The following VCPIP1 variants were observed in gnomAD, a reference collection of about 807,000 sequenced individuals.
The protein encoded by VCPIP1 is valosin containing protein interacting protein 1.
In VCPIP1, 8 loss-of-function variants were observed where a neutral mutation model predicts 85.0. The ratio of observed to expected loss-of-function variants is 0.09; its 90% confidence interval spans 0.06 to 0.17. The LOEUF is 0.17. Among genes scored for constraint, VCPIP1 ranks in the 10% least tolerant of loss-of-function variants. The pLI is 1.00. For missense variants in VCPIP1, 1,070 were observed against 1,486.3 expected (o/e 0.72, Z 4.61); for synonymous variants, 543 against 544.5 (o/e 1.00, Z 0.04).
intron 2 of VCPIP1, among the ~76,000 whole-genome samples, chr8:66,639,158 T>C (rs1359626394): frequency 2.0e-5 from 3 of 150,996 alleles, no homozygotes; most frequent in African/African-American, 7.3e-5. Flanking sequence ...CCAATTTTTC[T>C]ATTTTTAGTA....
intron 2 of VCPIP1, among the ~76,000 whole-genome samples, chr8:66,637,950 C>A (rs921237222): frequency 3.9e-5 from 6 of 152,240 alleles, no homozygotes; most frequent in Non-Finnish European, 8.8e-5. Flanking sequence ...CCAGCCAGGG[C>A]GACAGAGCGA....
Position 66,665,805 on chromosome 8 carries a change from A to G in VCPIP1, c.1154T>C (p.Ile385Thr), listed in dbSNP as rs371295850. The change falls in exon 1 of 3, where the codon ATT (isoleucine) becomes ACT (threonine). Residue 385 changes from isoleucine to threonine, a missense_variant. Ile to Thr is a moderately conservative substitution (Grantham distance 89, BLOSUM62 -1). Coordinates refer to ENST00000310421, the MANE Select transcript of VCPIP1 (RefSeq NM_025054.5). The surrounding 1 kb of genome is among the most constrained non-coding windows in gnomAD (Gnocchi z 4.3). ...CTCTTCAAGTTTTATGTACTTTTTAATAAGGTCCTGAGGCACACCCCATGC... is the reference window on the plus strand; with the variant it reads ...CTCTTCAAGTTTTATGTACTTTTTAGTAAGGTCCTGAGGCACACCCCATGC... ...PKAWGVPQDL[I>T]KKYIKLEEDG... 5.0e-6 allele frequency: 8 copies of G among 1,614,192 alleles called. No individual in the cohort carries two copies. The highest frequency in any genetic ancestry group is 1.3e-5 in the African/African-American group (1 of 75,048).
chr8:66,646,500 A>T (rs2130160966), intron 2 of VCPIP1, among the ~76,000 whole-genome samples: 1 of 152,296 alleles, frequency 6.6e-6, no homozygotes, highest in South Asian at 2.1e-4. Context: ...CTGATTCTAA[A>T]ATTTATATGG....
intron 1 of VCPIP1, among the ~76,000 whole-genome samples, chr8:66,661,132 C>T (rs1220554590): frequency 6.6e-6 from 1 of 152,162 alleles, no homozygotes; most frequent in African/African-American, 2.4e-5. Flanking sequence ...ATAATACAGG[C>T]TATGCACTTA....
Position 66,664,605 on chromosome 8 carries a change from C to T in VCPIP1, c.2354G>A (p.Arg785Gln), listed in dbSNP as rs1259443577. 1.2e-6 allele frequency: 2 copies of T among 1,614,042 alleles called. No individual in the cohort carries two copies. The highest frequency in any genetic ancestry group is 8.5e-7 in the Non-Finnish European group (1 of 1,179,990). The change falls in exon 1 of 3, where the codon CGA becomes CAA. Residue 785 changes from arginine to glutamine, a missense_variant. Arg to Gln is a conservative substitution (Grantham distance 43). Transcript: ENST00000310421. ...KKIRITTNDGRQSMVTLKSST... is the reference protein window; with the variant it reads ...KKIRITTNDGQQSMVTLKSST... ...AGACTTAAGGGTAACCATGGACTGT[C>T]GTCCATCATTAGTTGTGATTCGGAT... is the stretch of plus-strand genomic sequence containing the variant.
Position 66,665,439 on chromosome 8 carries a change from T to G in VCPIP1, c.1520A>C (p.Asn507Thr). 6.2e-7 allele frequency: 1 copy of G among 1,614,244 alleles called. No individual in the cohort carries two copies. Among genetic ancestry groups the G allele is most frequent in the Non-Finnish European group, 8.5e-7 (1 of 1,180,048 alleles). ...STHGQLRTDK[N>T]YSFPLNNLVC... is the part of the protein sequence containing the mutation. ...CAAATTGTTCAAGGGAAAGCTGTAA[T>G]TTTTGTCAGTCCTCAGCTGTCCATG... Residue 507 changes from asparagine to threonine, a missense_variant, in exon 1 of 3, where the codon AAT (asparagine) becomes ACT (threonine). By Grantham distance (65) the Asn-to-Thr change is moderately conservative. Transcript: ENST00000310421. This position sits in a 1 kb window ranked among gnomAD's most constrained non-coding sequence, Gnocchi z 4.3.
In VCPIP1 at chr8:66,634,333, TA is replaced by T; in HGVS notation, c.*167del. The T allele has an allele frequency of 1.4e-6, 1 of 714,192 alleles. No homozygotes were observed. Among genetic ancestry groups the T allele is most frequent in the Non-Finnish European group, 2.1e-6 (1 of 477,420 alleles). 44.2% of individuals were successfully genotyped at this position (714,192 alleles called of 1,614,324 possible). A position where few individuals can be genotyped will look rare whatever the true frequency, so the allele number is the denominator to read the frequency against. On this transcript the variant is annotated 3_prime_UTR_variant, in exon 3 of 3. Transcript: ENST00000310421. ...AGAGCCAGCCTGGGCAGCAGTATAT[TA>T]AAAGCTATGGCCAATCACACACTTG...
At chr8:66,654,486 CAAGTT>C (rs1022986359) in intron 1 of VCPIP1, among the ~76,000 whole-genome samples, 4 of 152,138 alleles carry the variant, frequency 2.6e-5, no homozygotes, top group African/African-American at 9.7e-5. Flanking sequence ...AAAAAAAGGT[CAAGTT>C]GTGTTTCGGC....
chr8:66,665,328 G>T lies in VCPIP1; in HGVS notation c.1631C>A (p.Thr544Lys). The change falls in exon 1 of 3, where the codon ACA (threonine) becomes AAA (lysine). Residue 544 changes from threonine (T) to lysine (K), a missense_variant. By Grantham distance (78) the Thr-to-Lys change is moderately conservative (BLOSUM62 -1). This residue lies in a region of VCPIP1 where 123 missense variants were observed against 156.3 expected (regional missense o/e 0.79). Coordinates refer to ENST00000310421, the MANE Select transcript of VCPIP1 (RefSeq NM_025054.5). This position sits in a 1 kb window ranked among gnomAD's most constrained non-coding sequence, Gnocchi z 4.3. ...ATCTCCTCTGACCTTTCGCACAGAT[G>T]TGCCATGGCACCAATTACAAGCTGT... ...NLTACNWCHG[T>K]SVRKVRGDGS... is the part of the protein sequence containing the mutation. 5.6e-6 allele frequency: 9 copies of T among 1,613,952 alleles called. No individual in the cohort carries two copies. The highest frequency in any genetic ancestry group is 7.6e-6 in the Non-Finnish European group (9 of 1,179,860).
chr8:66,647,332 C>A (rs879151808), intron 2 of VCPIP1, among the ~76,000 whole-genome samples: 1 of 151,790 alleles, frequency 6.6e-6, no homozygotes, highest in Non-Finnish European at 1.5e-5. Flanking sequence ...CAGAGTAAGA[C>A]TCCATCTCAA....
At chr8:66,648,901 G>A (rs935086741) in intron 2 of VCPIP1, among the ~76,000 whole-genome samples, 2 of 152,012 alleles carry the variant, frequency 1.3e-5, no homozygotes, top group Non-Finnish European at 2.9e-5. Context: ...TGGCTCACAC[G>A]TGTAATCGCA....
chr8:66,663,210 G>A (rs1009023365), intron 1 of VCPIP1, among the ~76,000 whole-genome samples: 4 of 151,852 alleles, frequency 2.6e-5, no homozygotes, highest in African/African-American at 9.7e-5. Context: ...CAACAATTCC[G>A]GGTTCTAAAT....
intron 2 of VCPIP1, among the ~76,000 whole-genome samples, chr8:66,637,933 T>C (rs1479971256): frequency 2.0e-5 from 3 of 152,090 alleles, no homozygotes; most frequent in Admixed American, 6.5e-5. Context: ...GACCGTGCCA[T>C]TGCACTCCAG....
intron 1 of VCPIP1, among the ~76,000 whole-genome samples, chr8:66,658,073 C>G (rs190898742): frequency 6.6e-6 from 1 of 152,112 alleles, no homozygotes; most frequent in South Asian, 2.1e-4. Context: ...CGGTGGCTCA[C>G]GCCTGTAATC....
chr8:66,634,329 A>T lies in VCPIP1; in HGVS notation c.*172T>A. The T allele has an allele frequency of 1.6e-6, 1 of 644,442 alleles. No individual in the cohort carries two copies. Among genetic ancestry groups the T allele is most frequent in the Non-Finnish European group, 2.4e-6 (1 of 419,246 alleles). 39.9% of individuals were successfully genotyped at this position (644,442 alleles called of 1,614,324 possible). A position where few individuals can be genotyped will look rare whatever the true frequency, so the allele number is the denominator to read the frequency against. On this transcript the variant is annotated 3_prime_UTR_variant, in exon 3 of 3. Coordinates refer to ENST00000310421, the MANE Select transcript of VCPIP1 (RefSeq NM_025054.5). The stretch of plus-strand genomic sequence containing the variant: ...ATTCAGAGCCAGCCTGGGCAGCAGT[A>T]TATTAAAAGCTATGGCCAATCACAC...
Position 66,665,927 on chromosome 8 carries a change from A to G in VCPIP1, c.1032T>C (p.Cys344=), listed in dbSNP as rs150048283. The change falls in exon 1 of 3, where the codon TGT becomes TGC. Residue 344 remains cysteine (C), a synonymous_variant. Coordinates refer to ENST00000310421, the MANE Select transcript of VCPIP1 (RefSeq NM_025054.5). This position sits in a 1 kb window ranked among gnomAD's most constrained non-coding sequence, Gnocchi z 4.3. ...GKDGHLNKPI[C]IAWSSSGRNH... ...TTCTACCGGAGCTGCTCCATGCAAT[A>G]CAGATTGGTTTGTTCAAATGACCAT... 1,093 of 1,614,196 alleles carry G rather than the reference A, an allele frequency of 6.8e-4. 7 individuals are homozygous for G. The African/African-American group carries it at 0.011, about 16-fold the overall frequency.
At chr8:66,641,431 T>G (rs186660506) in intron 2 of VCPIP1, among the ~76,000 whole-genome samples, 1 of 152,254 alleles carries the variant, frequency 6.6e-6, no homozygotes, top group East Asian at 1.9e-4. Context: ...AGTGTGGTAG[T>G]GCAATCATAG....
At position 66,666,818 on chromosome 8, in the gene VCPIP1, C is replaced by T. The variant is rs373424348; in HGVS notation, c.141G>A (p.Gly47=). 2.1e-5 allele frequency: 34 copies of T among 1,613,774 alleles called. No homozygotes were observed. Among genetic ancestry groups the T allele is most frequent in the Non-Finnish European group, 2.7e-5 (32 of 1,179,968 alleles). ...LKRRDRRILS[G]SCPDPKCQAR... is the part of the protein sequence containing the mutation. ...CCTGACACTTCGGATCCGGGCAGCTCCCGGAAAGGATTCTCCGGTCTCTCC... is the reference window on the plus strand; with the variant it reads ...CCTGACACTTCGGATCCGGGCAGCTTCCGGAAAGGATTCTCCGGTCTCTCC... The change falls in exon 1 of 3, where the codon GGG becomes GGA. Residue 47 remains glycine (G), a synonymous_variant. Coordinates refer to ENST00000310421, the MANE Select transcript of VCPIP1 (RefSeq NM_025054.5). This position sits in a 1 kb window ranked among gnomAD's most constrained non-coding sequence, Gnocchi z 6.3.
chr8:66,666,768 C>G lies in VCPIP1; in HGVS notation c.191G>C (p.Gly64Ala). Residue 64 changes from glycine (G) to alanine (A), a missense_variant, in exon 1 of 3, where the codon GGT becomes GCT. Coordinates refer to ENST00000310421, the MANE Select transcript of VCPIP1 (RefSeq NM_025054.5). This position sits in a 1 kb window ranked among gnomAD's most constrained non-coding sequence, Gnocchi z 6.3. The part of the protein sequence containing the change: ...CQARLFFPAS[G>A]SVSIECTECG... ...CTCGGTACACTCGATGCTGACAGAA[C>G]CGGAGGCCGGGAAAAATAGACGCGC... 6.2e-7 allele frequency: 1 copy of G among 1,613,696 alleles called. No individual in the cohort carries two copies. Among genetic ancestry groups the G allele is most frequent in the Non-Finnish European group, 8.5e-7 (1 of 1,179,660 alleles).
Sources: gnomAD v4.1 joint callset for allele counts (sites outside exome capture counted in the v4.1 genomes callset) on GRCh38, gnomAD v4.1.1 for gene constraint, gnomAD v4.1.1 regional missense constraint, Gnocchi (gnomAD v3.1) non-coding constraint, MANE v1.5 for transcripts, NCBI Gene and HGNC (gene_info 2026-07-23, HGNC 2026-07-21) for gene names.